The following NFYC variants were observed in gnomAD, a reference collection of about 807,000 sequenced individuals.
The protein encoded by NFYC is CAAT box DNA-binding protein subunit C.
NFYC carries 25 observed loss-of-function variants against 53.1 expected under a neutral mutation model. That is an observed-to-expected ratio of 0.47 (90% CI 0.34 to 0.66). The LOEUF (loss-of-function observed/expected upper bound fraction) is 0.66. Ranked by LOEUF, NFYC falls within the 30% of genes least tolerant of loss-of-function variation. The pLI is 0.01. For missense variants in NFYC, 260 were observed against 422.7 expected (o/e 0.62, Z 3.38); for synonymous variants, 145 against 152.6 (o/e 0.95, Z 0.37).
At chr1:40,700,553 C>T (rs1405971039) in intron 1 of NFYC, among the ~76,000 whole-genome samples, 1 of 151,976 alleles carries the variant, frequency 6.6e-6, no homozygotes, top group African/African-American at 2.4e-5. Flanking sequence ...GCTATGTTGT[C>T]CAGGCTAGTC....
At chr1:40,761,781 C>T (rs940869992) in intron 6 of NFYC, among the ~76,000 whole-genome samples, 6 of 152,138 alleles carry the variant, frequency 3.9e-5, no homozygotes, top group Middle Eastern at 3.2e-3. Flanking sequence ...ATAGCAACAT[C>T]GGTTGAAGTT....
intron 5 of NFYC, among the ~76,000 whole-genome samples, chr1:40,755,948 TA>T (rs1646194524): frequency 6.6e-6 from 1 of 152,144 alleles, no homozygotes; most frequent in South Asian, 2.1e-4. Context: ...TAGTTGGGGA[TA>T]ACTGGAGACT....
chr1:40,692,881 T>C (rs566976707), intron 1 of NFYC, among the ~76,000 whole-genome samples: 4 of 152,204 alleles, frequency 2.6e-5, no homozygotes, highest in African/African-American at 7.2e-5. Flanking sequence ...AGAACAGTTA[T>C]ACATTATTGA....
At chr1:40,734,094 T>C (rs754906973) in intron 1 of NFYC, among the ~76,000 whole-genome samples, 2 of 152,140 alleles carry the variant, frequency 1.3e-5, no homozygotes, top group Non-Finnish European at 2.9e-5. Flanking sequence ...TTGCCAAGGC[T>C]GGTCTCAAAC....
At chr1:40,704,717 G>A (rs897254312) in intron 1 of NFYC, among the ~76,000 whole-genome samples, 23 of 152,176 alleles carry the variant, frequency 1.5e-4, no homozygotes, top group African/African-American at 4.8e-4. Context: ...GGTTAATCTG[G>A]TACATCCGAA....
chr1:40,709,904 A>C (rs773374303), intron 1 of NFYC, among the ~76,000 whole-genome samples: 54 of 152,212 alleles, frequency 3.5e-4, no homozygotes, highest in Non-Finnish European at 6.2e-4. Context: ...ACTGTTTTCC[A>C]AATAATTTTC....
chr1:40,718,396 C>T (rs902790599), intron 1 of NFYC, among the ~76,000 whole-genome samples: 10 of 152,190 alleles, frequency 6.6e-5, no homozygotes, highest in Admixed American at 3.3e-4. Context: ...TGTCCATCTT[C>T]GGGGACTAAT....
At chr1:40,732,570 T>TG (rs1167309450) in intron 1 of NFYC, among the ~76,000 whole-genome samples, 1 of 152,266 alleles carries the variant, frequency 6.6e-6, no homozygotes, top group Non-Finnish European at 1.5e-5. Context: ...ATCAGTGGTC[T>TG]GATCAAATCA....
chr1:40,737,115 G>T (rs1256109476), intron 1 of NFYC, among the ~76,000 whole-genome samples: 2 of 113,202 alleles, frequency 1.8e-5, no homozygotes, highest in South Asian at 2.9e-4. Flanking sequence ...CAACAAGAGC[G>T]AAACTCTGTC....
chr1:40,739,712 T>G (rs760713503), intron 2 of NFYC, among the ~76,000 whole-genome samples: 15 of 152,242 alleles, frequency 9.9e-5, no homozygotes, highest in South Asian at 2.1e-4. Flanking sequence ...ATTTACTAAG[T>G]ACTTACTGAA....
chr1:40,705,254 G>A (rs1045570317), intron 1 of NFYC, among the ~76,000 whole-genome samples: 3 of 152,178 alleles, frequency 2.0e-5, no homozygotes, highest in African/African-American at 7.2e-5. Context: ...TTAGTAATCA[G>A]CGAGGTTGTG....
intron 7 of NFYC, 124 bp from the exon 8 acceptor site, chr1:40,766,472 A>G (rs1570746759): frequency 2.9e-6 from 2 of 684,158 alleles, no homozygotes; most frequent in East Asian, 5.5e-5. Context: ...GACTTTTTTC[A>G]GGGCAGGCTT....
intron 1 of NFYC, among the ~76,000 whole-genome samples, chr1:40,725,278 G>A (rs1644469950): frequency 6.6e-6 from 1 of 152,120 alleles, no homozygotes; most frequent in Non-Finnish European, 1.5e-5. Flanking sequence ...TCTTCAAGTA[G>A]TGAAGTGTAG....
At chr1:40,747,795 A>G (rs926503787) in intron 3 of NFYC, among the ~76,000 whole-genome samples, 190 bp downstream of exon 3, 4 of 150,332 alleles carry the variant, frequency 2.7e-5, no homozygotes, top group Non-Finnish European at 5.9e-5. Context: ...TACTATATGG[A>G]TCATCCTGAA....
At chr1:40,722,827 A>G (rs531504900) in intron 1 of NFYC, among the ~76,000 whole-genome samples, 18 of 152,294 alleles carry the variant, frequency 1.2e-4, no homozygotes, top group South Asian at 4.1e-4. Context: ...AGTGCCCCCA[A>G]CTGTTCGCAG....
At chr1:40,724,181 TCAA>T (rs1644425576) in intron 1 of NFYC, among the ~76,000 whole-genome samples, 2 of 152,066 alleles carry the variant, frequency 1.3e-5, no homozygotes, top group African/African-American at 4.8e-5. Context: ...ACCAACCTGG[TCAA>T]CATGGTGAAA....
intron 5 of NFYC, among the ~76,000 whole-genome samples, chr1:40,754,766 A>G (rs1480133088): frequency 1.3e-5 from 2 of 151,696 alleles, no homozygotes; most frequent in Non-Finnish European, 2.9e-5. Flanking sequence ...GAAGGGTCAC[A>G]TCCTGTCAGT....
At chr1:40,743,810 T>C (rs1437761026) in intron 2 of NFYC, among the ~76,000 whole-genome samples, 2 of 152,214 alleles carry the variant, frequency 1.3e-5, no homozygotes, top group African/African-American at 2.4e-5. Context: ...TCTTAAAATA[T>C]TGATGCTGAT....
At chr1:40,738,753 C>A in intron 1 of NFYC, 83 bp from the exon 2 acceptor site, 1 of 945,162 alleles carries the variant, frequency 1.1e-6, no homozygotes, top group Non-Finnish European at 1.7e-6. Flanking sequence ...ATAAAAACAT[C>A]CACAAATATA....
Sources: allele counts gnomAD v4.1 joint callset (sites outside exome capture counted in the v4.1 genomes callset), GRCh38; gene constraint gnomAD v4.1.1; transcripts MANE v1.5; gene names NCBI Gene and HGNC (gene_info 2026-07-23, HGNC 2026-07-21).